PLCG2: variants seen among roughly 807,000 people sequenced by gnomAD.
PLCG2 encodes 1-phosphatidylinositol 4,5-bisphosphate phosphodiesterase gamma-2.
Under a neutral mutation model 175.6 loss-of-function variants are expected in PLCG2, and 69 were observed. The ratio of observed to expected loss-of-function variants is 0.39; its 90% confidence interval spans 0.32 to 0.48. The LOEUF is 0.48. PLCG2 is among the 20% of genes least tolerant of loss of function. The pLI is 0.91. For synonymous variants in PLCG2, 827 were observed against 624.0 expected, an observed-to-expected ratio of 1.33 and a Z score of -4.85; for missense variants, 1,798 against 1,650.9, an observed-to-expected ratio of 1.09 and a Z score of -1.54.
intron 14 of PLCG2, among the ~76,000 whole-genome samples, chr16:81,901,672 C>T (rs138647934): frequency 3.6e-3 from 551 of 152,318 alleles, no homozygotes; most frequent in Admixed American, 5.1e-3. Context: ...AAGCCACTTG[C>T]GGGCTCTGTC....
chr16:81,810,389 T>G (rs1386341584), intron 2 of PLCG2, among the ~76,000 whole-genome samples: 1 of 152,222 alleles, frequency 6.6e-6, no homozygotes, highest in African/African-American at 2.4e-5. Context: ...ATGCTTGGCC[T>G]TCGTTATTTG....
chr16:81,946,415 A>C lies in PLCG2; in HGVS notation c.3570+152A>C. 3.2e-6 allele frequency: 2 copies of C among 624,678 alleles called. 1 individual carries two copies. The highest frequency in any genetic ancestry group is 5.9e-6 in the Non-Finnish European group (2 of 338,472). 38.7% of individuals were successfully genotyped at this position (624,678 alleles called of 1,614,324 possible). A position where few individuals can be genotyped will look rare whatever the true frequency, so the allele number is the denominator to read the frequency against. ...CATCATACAAGAATTCCTTTTTGCT[A>C]ATTCCCCAGAGTGTCCTGGGTTTTC... On this transcript the variant is annotated intron_variant, in intron 31 of 32. Coordinates refer to ENST00000564138, the MANE Select transcript of PLCG2 (RefSeq NM_002661.5).
Position 81,907,632 on chromosome 16 carries a change from C to T in PLCG2, c.1468-53C>T, listed in dbSNP as rs1909432897. ...CGCCCTGCAGGGCTCCTGGGCTCCA[C>T]AGTTGATGAGGTAGAGGACTTGGGG... On this transcript the variant is annotated intron_variant, in intron 15 of 32. Transcript: ENST00000564138. 3.8e-6 allele frequency: 5 copies of T among 1,322,274 alleles called. No homozygotes were observed. In the Admixed American group the frequency reaches 8.5e-5, roughly 22 times the overall value. 81.9% of individuals were successfully genotyped at this position (1,322,274 alleles called of 1,614,324 possible).
chr16:81,823,638 G>A (rs936956921), intron 2 of PLCG2, among the ~76,000 whole-genome samples: 2 of 151,814 alleles, frequency 1.3e-5, no homozygotes, highest in South Asian at 2.1e-4. Context: ...CGATCTTCCC[G>A]CCTCAGTCTC....
chr16:81,886,593 C>T (rs1293540842), intron 9 of PLCG2, among the ~76,000 whole-genome samples: 1 of 152,126 alleles, frequency 6.6e-6, no homozygotes, highest in African/African-American at 2.4e-5. Context: ...TTAAGTACGC[C>T]ATAGTACAGC....
intron 2 of PLCG2, among the ~76,000 whole-genome samples, chr16:81,803,641 C>CTCCCTCCCACCT (rs1911855902): frequency 2.1e-5 from 2 of 96,984 alleles, no homozygotes; most frequent in Non-Finnish European, 4.0e-5. Flanking sequence ...TCTTCCCTCC[C>CTCCCTCCCACCT]TCCCTCCCTC....
At chr16:81,851,344 G>T (rs1382327727) in intron 2 of PLCG2, among the ~76,000 whole-genome samples, 1 of 152,014 alleles carries the variant, frequency 6.6e-6, no homozygotes, top group Non-Finnish European at 1.5e-5. Flanking sequence ...GATCTTAATT[G>T]GTTTTCACCA....
intron 1 of PLCG2, among the ~76,000 whole-genome samples, chr16:81,748,856 G>A (rs994082381): frequency 6.6e-6 from 1 of 152,184 alleles, no homozygotes; most frequent in African/African-American, 2.4e-5. Context: ...GACAGATTAG[G>A]AAAATTGAGG....
intron 21 of PLCG2, 78 bp from the exon 22 acceptor site, chr16:81,923,407 A>G: frequency 1.2e-6 from 1 of 828,348 alleles, no homozygotes; most frequent in Non-Finnish European, 2.0e-6. Context: ...AGAAGAACCA[A>G]ATGGTACCTG....
At chr16:81,847,831 C>A (rs898530672) in intron 2 of PLCG2, among the ~76,000 whole-genome samples, 3 of 152,098 alleles carry the variant, frequency 2.0e-5, no homozygotes, top group African/African-American at 7.2e-5. Context: ...AGGCTGTATG[C>A]AAATTCTCTG....
At chr16:81,785,020 C>A (rs769517751) in intron 1 of PLCG2, among the ~76,000 whole-genome samples, 3 of 152,128 alleles carry the variant, frequency 2.0e-5, no homozygotes, top group African/African-American at 2.4e-5. Flanking sequence ...TCTGGCTCTG[C>A]ATCTGAGAAT....
chr16:81,935,720 C>T, intron 26 of PLCG2: 2 of 985,316 alleles, frequency 2.0e-6, no homozygotes, highest in South Asian at 4.7e-5. Flanking sequence ...TCTCCCTTCC[C>T]TGCACAGGCA....
intron 28 of PLCG2, 59 bp downstream of exon 28, chr16:81,937,962 C>A (rs117005653): frequency 6.4e-7 from 1 of 1,562,636 alleles, no homozygotes; most frequent in Non-Finnish European, 8.8e-7. Context: ...GGGGCTGGGC[C>A]GATGCTGTCT....
At chr16:81,909,669 CT>C (rs1909531930) in intron 17 of PLCG2, among the ~76,000 whole-genome samples, 1 of 152,160 alleles carries the variant, frequency 6.6e-6, no homozygotes. Flanking sequence ...TGGCTTCGGC[CT>C]CCTGAAGTGC....
At chr16:81,784,859 C>T (rs1332821517) in intron 1 of PLCG2, among the ~76,000 whole-genome samples, 1 of 152,096 alleles carries the variant, frequency 6.6e-6, no homozygotes, top group Non-Finnish European at 1.5e-5. Context: ...GGAGCGCCTT[C>T]ACTCTAAGTC....
At chr16:81,791,198 A>G (rs1161177401) in intron 2 of PLCG2, among the ~76,000 whole-genome samples, 1 of 152,174 alleles carries the variant, frequency 6.6e-6, no homozygotes, top group Non-Finnish European at 1.5e-5. Context: ...GCTTAGTACC[A>G]TAGCAGGAGT....
chr16:81,796,375 T>C (rs747846490), intron 2 of PLCG2, among the ~76,000 whole-genome samples: 11 of 152,238 alleles, frequency 7.2e-5, no homozygotes, highest in Non-Finnish European at 1.2e-4. Context: ...CCATGCCTTT[T>C]AAAGCCAGCA....
intron 2 of PLCG2, among the ~76,000 whole-genome samples, chr16:81,816,431 A>G (rs1904549845): frequency 6.6e-6 from 1 of 152,062 alleles, no homozygotes. Flanking sequence ...TTTTGGGACC[A>G]TGAAAAGGGT....
chr16:81,788,384 C>T (rs1911078582), intron 2 of PLCG2, among the ~76,000 whole-genome samples: 1 of 152,140 alleles, frequency 6.6e-6, no homozygotes, highest in Non-Finnish European at 1.5e-5. Context: ...GGATTCATGC[C>T]ATTCTCCTGC....
Sources: gnomAD v4.1 joint callset for allele counts (sites outside exome capture counted in the v4.1 genomes callset) on GRCh38, gnomAD v4.1.1 for gene constraint, MANE v1.5 for transcripts, NCBI Gene and HGNC (gene_info 2026-07-23, HGNC 2026-07-21) for gene names.